TTN: variants seen among roughly 807,000 people sequenced by gnomAD.
TTN encodes the protein connectin.
Under a neutral mutation model 3,223.0 loss-of-function variants are expected in TTN, and 1,525 were observed. The observed-to-expected ratio is 0.47, with a 90% CI of 0.45 to 0.49. TTN has a LOEUF of 0.49. Ranked by LOEUF, TTN falls within the 20% of genes least tolerant of loss-of-function variation. The pLI is 0.00. For synonymous variants in TTN, 14,094 were observed against 15,161.0 expected (o/e 0.93, Z 5.17); for missense variants, 40,786 against 43,424.0 (o/e 0.94, Z 5.40).
In TTN at chr2:178,570,947, A is replaced by C; in HGVS notation, c.75185T>G (p.Ile25062Ser). The change falls in exon 326 of 363, where the codon ATT (isoleucine) becomes AGT (serine). Residue 25062 changes from isoleucine to serine, a missense_variant. Coordinates refer to ENST00000589042, the MANE Select transcript of TTN (RefSeq NM_001267550.2). Reference sequence around the variant, plus strand: ...GCCAGTTACTTCAAAATGAGTGTCAATAATATTTGTAAAACTGGCTTTCAT... The same window carrying C: ...GCCAGTTACTTCAAAATGAGTGTCACTAATATTTGTAAAACTGGCTTTCAT... ...RWMKASFTNIIDTHFEVTGLV... is the reference protein window; with the variant it reads ...RWMKASFTNISDTHFEVTGLV... 1 of 1,613,584 alleles carries C rather than the reference A, an allele frequency of 6.2e-7. No homozygotes were observed. The highest frequency in any genetic ancestry group is 8.5e-7 in the Non-Finnish European group (1 of 1,179,624).
chr2:178,610,948 C>T (rs767120359), intron 270 of TTN, 45 bp downstream of exon 270: 6 of 1,603,436 alleles, frequency 3.7e-6, no homozygotes, highest in African/African-American at 1.3e-5. Flanking sequence ...AACTAATTTC[C>T]TCTACATGTG....
chr2:178,723,608 A>T lies in TTN; in HGVS notation c.21492T>A (p.Pro7164=). The T allele has an allele frequency of 6.2e-7, 1 of 1,613,048 alleles. No homozygotes were observed. Among genetic ancestry groups the T allele is most frequent in the Non-Finnish European group, 8.5e-7 (1 of 1,179,484 alleles). ...VTFTSVIRGT[P]PFKVNWFRGA... ...CTCTGAACCAGTTGACTTTGAATGG[A>T]GGGGTTCCTCTAATAACGCTTGTGA... The change falls in exon 74 of 363, where the codon CCT becomes CCA. Residue 7164 remains proline (P), a synonymous_variant. Transcript: ENST00000589042.
At chr2:178,734,290 C>T (rs2081053851) in intron 52 of TTN, 38 bp downstream of exon 52, 2 of 1,511,302 alleles carry the variant, frequency 1.3e-6, no homozygotes, top group East Asian at 4.6e-5. Flanking sequence ...GCTAGTTTGA[C>T]AATTTATTAA....
Position 178,657,522 on chromosome 2 carries a change from T to C in TTN, c.38014A>G (p.Lys12672Glu). ...CCTTTAACAGGTGGGACTTCAGGCT[T>C]TTTAGGAGGAGTCGAGGGCACTTTC... ...EKKVPSTPPK[K>E]PEVPPVKVPE... Residue 12672 changes from lysine to glutamate, a missense_variant, in exon 189 of 363, where the codon AAG becomes GAG. Transcript: ENST00000589042. 1.9e-6 allele frequency: 3 copies of C among 1,580,260 alleles called. No individual in the cohort carries two copies. The highest frequency in any genetic ancestry group is 1.7e-6 in the Non-Finnish European group (2 of 1,167,256).
rs397517804 is a variant in TTN at position 178,750,579 on chromosome 2, G to A, written c.11311+2545C>T. 1.9e-5 allele frequency: 30 copies of A among 1,612,266 alleles called. No individual in the cohort carries two copies. Among genetic ancestry groups the A allele is most frequent in the African/African-American group, 6.7e-5 (5 of 74,830 alleles). On this transcript the variant is annotated intron_variant, in intron 47 of 362. Transcript: ENST00000589042. ...TCTTGAAGAAATGAAGGTGGGCAAC[G>A]TTGTGGGCGTTTTCGAAAAGAATTT... is the stretch of plus-strand genomic sequence containing the variant.
chr2:178,702,475 T>C lies in TTN; in HGVS notation c.30412A>G (p.Asn10138Asp). 1.9e-6 allele frequency: 3 copies of C among 1,613,920 alleles called. No individual in the cohort carries two copies. Among genetic ancestry groups the C allele is most frequent in the East Asian group, 2.2e-5 (1 of 44,890 alleles). The change falls in exon 107 of 363, where the codon AAT becomes GAT. Residue 10138 changes from asparagine to aspartate, a missense_variant. Physicochemically the swap from Asn to Asp is conservative, Grantham distance 23. Transcript: ENST00000589042. ...TCACCTTCATCGTCTGGGGTCACAT[T>C]GTGGATGGTCATATAATGGCAGCGG... ...DGRCHYMTIHNVTPDDEGVYS... is the reference protein window; with the variant it reads ...DGRCHYMTIHDVTPDDEGVYS...
chr2:178,678,352 A>T, intron 144 of TTN, 62 bp downstream of exon 144: 1 of 1,500,436 alleles, frequency 6.7e-7, no homozygotes, highest in African/African-American at 1.4e-5. Flanking sequence ...GGAAATTTGT[A>T]TGTGAGTATA....
Position 178,764,527 on chromosome 2 carries a change from CT to C in TTN, c.9987del (p.Val3330PhefsTer44). ...GCTGGAAGTAGCGAGGCATTCCTAC[CT>C]TCCACTGAGAGTGAAGCTGATGTTG... The part of the protein sequence containing the change: ...VATTSASLSV[E>X]VPEVVSPDQE... On this transcript the variant is annotated frameshift_variant and splice_region_variant, in exon 42 of 363. Coordinates refer to ENST00000589042, the MANE Select transcript of TTN (RefSeq NM_001267550.2). LOFTEE classifies it high-confidence loss of function. The C allele has an allele frequency of 6.2e-7, 1 of 1,614,022 alleles. No individual in the cohort carries two copies. The highest frequency in any genetic ancestry group is 8.5e-7 in the Non-Finnish European group (1 of 1,179,964).
At chr2:178,772,874 A>G (rs535506043) in intron 33 of TTN, 40 of 557,888 alleles carry the variant, frequency 7.2e-5, no homozygotes, top group African/African-American at 6.2e-4. Flanking sequence ...GAGATCATAT[A>G]CAAATGGAGA....
chr2:178,789,627 T>C lies in TTN; in HGVS notation c.1939-130A>G. ...TTAAATACACAAGAGAAATAAACTTTCACCGGCAATGTCTACATATACTGA... is the reference window on the plus strand; with the variant it reads ...TTAAATACACAAGAGAAATAAACTTCCACCGGCAATGTCTACATATACTGA... On this transcript the variant is annotated intron_variant, in intron 12 of 362. Transcript: ENST00000589042. 7 of 1,254,772 alleles carry C rather than the reference T, an allele frequency of 5.6e-6. No homozygotes were observed. The South Asian group carries it at 7.7e-5, about 14-fold the overall frequency. 77.7% of individuals were successfully genotyped at this position (1,254,772 alleles called of 1,614,324 possible). A position where few individuals can be genotyped will look rare whatever the true frequency, so the allele number is the denominator to read the frequency against.
chr2:178,633,146 A>C (rs2060011123), intron 233 of TTN, 41 bp downstream of exon 233: 1 of 1,603,274 alleles, frequency 6.2e-7, no homozygotes, highest in Non-Finnish European at 8.5e-7. Flanking sequence ...CTACACAACC[A>C]AGCAACCCCT....
At chr2:178,635,142 A>G in intron 228 of TTN, 23 bp downstream of exon 228, 1 of 1,608,554 alleles carries the variant, frequency 6.2e-7, no homozygotes, top group Non-Finnish European at 8.5e-7. Context: ...ATGACTAACA[A>G]TTTAAAATGT....
At position 178,741,254 on chromosome 2, in the gene TTN, A is replaced by T. The variant is rs1159495578; in HGVS notation, c.11979T>A (p.Ser3993=). Residue 3993 remains serine (S), a synonymous_variant, in exon 48 of 363, where the codon TCT becomes TCA. Transcript: ENST00000589042. ...GAGGGTCATTGACAATGAAAGTTCC[A>T]GAGCCATTAGGGTTATGAATGATAG... ...YYTIIHNPNG[S]GTFIVNDPQR... 1 of 1,613,786 alleles carries T rather than the reference A, an allele frequency of 6.2e-7. No individual in the cohort carries two copies. Among genetic ancestry groups the T allele is most frequent in the Non-Finnish European group, 8.5e-7 (1 of 1,179,834 alleles).
chr2:178,684,885 A>C, intron 130 of TTN, 21 bp downstream of exon 130: 2 of 1,580,914 alleles, frequency 1.3e-6, no homozygotes, highest in African/African-American at 1.4e-5. Context: ...AGTCTTGAGA[A>C]TAAAATAAAA....
At position 178,564,233 on chromosome 2, in the gene TTN, C is replaced by A; in HGVS notation, c.81899G>T (p.Arg27300Leu). The change falls in exon 326 of 363, where the codon CGT becomes CTT. Residue 27300 changes from arginine (R) to leucine (L), a missense_variant. Physicochemically the swap from Arg to Leu is moderately radical, Grantham distance 102 (BLOSUM62 -2). Transcript: ENST00000589042. ...AACAACATCAGGTATAGGTTTGCCACGGATGTCGGCTTCAAGAACAAAAGT... is the reference window on the plus strand; with the variant it reads ...AACAACATCAGGTATAGGTTTGCCAAGGATGTCGGCTTCAAGAACAAAAGT... ...GETFVLEADIRGKPIPDVVWS... is the reference protein window; with the variant it reads ...GETFVLEADILGKPIPDVVWS... 6.2e-7 allele frequency: 1 copy of A among 1,613,296 alleles called. No individual in the cohort carries two copies. The highest frequency in any genetic ancestry group is 8.5e-7 in the Non-Finnish European group (1 of 1,179,768).
At chr2:178,616,305 T>C (rs192379053) in intron 257 of TTN, among the ~76,000 whole-genome samples, 174 bp downstream of exon 257, 1 of 151,992 alleles carries the variant, frequency 6.6e-6, no homozygotes, top group Admixed American at 6.6e-5. Flanking sequence ...CAATCCTTGG[T>C]TGAGCTACCT....
At chr2:178,806,385 G>A (rs2094322053) in intron 1 of TTN, among the ~76,000 whole-genome samples, 1 of 152,176 alleles carries the variant, frequency 6.6e-6, no homozygotes, top group African/African-American at 2.4e-5. Flanking sequence ...CTAGGAAGAT[G>A]AGAAATCAAA....
rs371923232 is a variant in TTN at position 178,717,659 on chromosome 2, A to T, written c.25215T>A (p.Asn8405Lys). 18 of 1,613,390 alleles carry T rather than the reference A, an allele frequency of 1.1e-5. No homozygotes were observed. Among genetic ancestry groups the T allele is most frequent in the Non-Finnish European group, 1.4e-5 (16 of 1,179,616 alleles). ...KDGVLLKDDANLQTSFVHNVA... is the reference protein window; with the variant it reads ...KDGVLLKDDAKLQTSFVHNVA... ...CATTATGAACAAAAGATGTCTGCAA[A>T]TTAGCATCATCTTTCAAAAGAACCC... Residue 8405 changes from asparagine (N) to lysine (K), a missense_variant, in exon 87 of 363, where the codon AAT becomes AAA. Physicochemically the swap from Asn to Lys is moderately conservative, Grantham distance 94. Transcript: ENST00000589042.
Position 178,618,413 on chromosome 2 carries a change from A to G in TTN, c.47045T>C (p.Leu15682Ser). 1 of 1,612,532 alleles carries G rather than the reference A, an allele frequency of 6.2e-7. No individual in the cohort carries two copies. Reference sequence around the variant, plus strand: ...TATGATTTTGCTTCCACCATCAGTTAAAGGTTCTTCCCAAGCAAGGCTCAC... The same window carrying G: ...TATGATTTTGCTTCCACCATCAGTTGAAGGTTCTTCCCAAGCAAGGCTCAC... ...GEVSLAWEEPLTDGGSKIIGY... is the reference protein window; with the variant it reads ...GEVSLAWEEPSTDGGSKIIGY... Residue 15682 changes from leucine to serine, a missense_variant, in exon 252 of 363, where the codon TTA (leucine) becomes TCA (serine). Transcript: ENST00000589042.
Sources: gnomAD v4.1 joint callset for allele counts (sites outside exome capture counted in the v4.1 genomes callset) on GRCh38, gnomAD v4.1.1 for gene constraint, MANE v1.5 for transcripts, NCBI Gene and HGNC (gene_info 2026-07-23, HGNC 2026-07-21) for gene names.